The following ARHGAP23 variants were observed in gnomAD, a reference collection of about 807,000 sequenced individuals.
ARHGAP23 encodes the protein Rho GTPase activating protein 23.
In ARHGAP23, 34 loss-of-function variants were observed where a neutral mutation model predicts 136.3. That is an observed-to-expected ratio of 0.25 (90% CI 0.19 to 0.33). ARHGAP23 has a LOEUF of 0.33. ARHGAP23 is among the 10% of genes least tolerant of loss of function. The pLI is 1.00. For synonymous variants in ARHGAP23, 832 were observed against 920.5 expected (o/e 0.90, Z 1.74); for missense variants, 1,808 against 2,139.0 (o/e 0.85, Z 3.05).
upstream of ARHGAP23, among the ~76,000 whole-genome samples, chr17:38,426,550 C>CAAAAAAAAAAGAAAAAA (rs2038572352): frequency 2.0e-5 from 1 of 51,230 alleles, no homozygotes; most frequent in Non-Finnish European, 3.6e-5. Context: ...AACTCCATCT[C>CAAAAAAAAAAGAAAAAA]AAAAAAAAAA....
At chr17:38,439,034 G>A (rs2038863672) in intron 1 of ARHGAP23, among the ~76,000 whole-genome samples, 1 of 151,726 alleles carries the variant, frequency 6.6e-6, no homozygotes, top group African/African-American at 2.4e-5. Context: ...AAATTAGCTG[G>A]GTGTAGTGGC....
intron 1 of ARHGAP23, chr17:38,451,530 A>G (rs765050974): frequency 6.6e-6 from 1 of 152,310 alleles, no homozygotes; most frequent in Non-Finnish European, 1.5e-5. Flanking sequence ...CAGAGGCTCC[A>G]TGGGGGATGA....
intron 11 of ARHGAP23, among the ~76,000 whole-genome samples, chr17:38,476,320 G>GT (rs891568450): frequency 6.6e-6 from 1 of 152,210 alleles, no homozygotes; most frequent in African/African-American, 2.4e-5. Flanking sequence ...GAGACGGGAT[G>GT]TTTTGGAGGC....
At position 38,471,926 on chromosome 17, in the gene ARHGAP23, G is replaced by A; in HGVS notation, c.2038G>A (p.Asp680Asn). The A allele has an allele frequency of 6.5e-7, 1 of 1,549,608 alleles. No homozygotes were observed. Among genetic ancestry groups the A allele is most frequent in the Non-Finnish European group, 8.7e-7 (1 of 1,146,812 alleles). ...DAPSKRHSTSDLSDATFSDIR... is the reference protein window; with the variant it reads ...DAPSKRHSTSNLSDATFSDIR... Reference sequence around the variant, plus strand: ...TCCTTCTAAGCGACACTCAACCTCTGACCTCTCAGATGCGACCTTCAGCGA... The same window carrying A: ...TCCTTCTAAGCGACACTCAACCTCTAACCTCTCAGATGCGACCTTCAGCGA... Residue 680 changes from aspartate (D) to asparagine (N), a missense_variant, in exon 11 of 24, where the codon GAC becomes AAC. Around this residue, in one of 7 missense-constraint regions of ARHGAP23, gnomAD observed 139 missense variants for 264.3 expected, o/e 0.53. Transcript: ENST00000622683.
intron 14 of ARHGAP23, among the ~76,000 whole-genome samples, chr17:38,481,652 G>A (rs912914697): frequency 7.9e-5 from 12 of 152,196 alleles, no homozygotes; most frequent in Middle Eastern, 6.8e-3. Flanking sequence ...CCAGCCACTC[G>A]GGAGGCTGGG....
intron 1 of ARHGAP23, chr17:38,451,923 C>A (rs2039180558): frequency 6.5e-6 from 1 of 152,762 alleles, no homozygotes; most frequent in East Asian, 1.9e-4. Context: ...CCTAAGCTCT[C>A]CTGACTCAGC....
At position 38,510,482 on chromosome 17, in the gene ARHGAP23, A is replaced by G. The variant is rs891335480; in HGVS notation, c.3986A>G (p.Asp1329Gly). 2.5e-6 allele frequency: 3 copies of G among 1,185,320 alleles called. No individual in the cohort carries two copies. Among genetic ancestry groups the G allele is most frequent in the Admixed American group, 4.6e-5 (1 of 21,782 alleles). 73.4% of individuals were successfully genotyped at this position (1,185,320 alleles called of 1,614,324 possible). ...CGCCGCCTGGCCCGGGGCCGCCCAG[A>G]CGGCGAGGGCGCGGGCCGGGGCGGT... is the stretch of plus-strand genomic sequence containing the variant. The part of the protein sequence containing the change: ...ARRRLARGRP[D>G]GEGAGRGGPR... The change falls in exon 24 of 24, where the codon GAC (aspartate) becomes GGC (glycine). Residue 1329 changes from aspartate (D) to glycine (G), a missense_variant. By Grantham distance (94) the Asp-to-Gly change is moderately conservative (BLOSUM62 -1). Around this residue, in one of 7 missense-constraint regions of ARHGAP23, gnomAD observed 506 missense variants for 455.8 expected, o/e 1.11. Coordinates refer to ENST00000622683, the MANE Select transcript of ARHGAP23 (RefSeq NM_001199417.2). This position sits in a 1 kb window ranked among gnomAD's most constrained non-coding sequence, Gnocchi z 4.6.
At chr17:38,461,548 C>A (rs1163138217) in intron 3 of ARHGAP23, among the ~76,000 whole-genome samples, 1 of 152,242 alleles carries the variant, frequency 6.6e-6, no homozygotes, top group Admixed American at 6.5e-5. Context: ...GACACTCCTG[C>A]ATCCCCATCC....
Position 38,469,868 on chromosome 17 carries a change from C to T in ARHGAP23, c.1938C>T (p.Pro646=), listed in dbSNP as rs188932530. 5.2e-6 allele frequency: 8 copies of T among 1,551,736 alleles called. No homozygotes were observed. Among genetic ancestry groups the T allele is most frequent in the South Asian group, 1.2e-5 (1 of 84,066 alleles). ...RVLRRLPNRI[P]SLRMLRSFFT... ...CCAGGCGCCTGCCAAACCGCATACC[C>T]AGCCTGCGGATGCTCCGGAGCTTCT... Residue 646 remains proline, a synonymous_variant, in exon 10 of 24, where the codon CCC becomes CCT. Transcript: ENST00000622683.
chr17:38,429,011 C>T (rs1475680047), intron 1 of ARHGAP23, among the ~76,000 whole-genome samples: 1 of 152,186 alleles, frequency 6.6e-6, no homozygotes, highest in Non-Finnish European at 1.5e-5. Flanking sequence ...ACGTCCTCCA[C>T]TAAGGCGTCC....
chr17:38,509,887 G>T, intron 23 of ARHGAP23, 57 bp from the exon 24 acceptor site: 1 of 1,207,726 alleles, frequency 8.3e-7, no homozygotes. Context: ...GGTAGAGCGG[G>T]GTCGGCAGGG....
intron 23 of ARHGAP23, among the ~76,000 whole-genome samples, chr17:38,502,802 T>C (rs1353008280): frequency 2.0e-5 from 3 of 152,124 alleles, no homozygotes; most frequent in African/African-American, 7.2e-5. Flanking sequence ...CCCAACACAT[T>C]TGGAGGCCGA....
Position 38,507,790 on chromosome 17 carries a change from T to G in ARHGAP23, c.3448-2154T>G, listed in dbSNP as rs954432478. On this transcript the variant is annotated intron_variant, in intron 23 of 23. Coordinates refer to ENST00000622683, the MANE Select transcript of ARHGAP23 (RefSeq NM_001199417.2). ...AACCATGGCCCAGGAGCCACATGCCTGTGACTCCTGAGTCCCTGACATGCT... is the reference window on the plus strand; with the variant it reads ...AACCATGGCCCAGGAGCCACATGCCGGTGACTCCTGAGTCCCTGACATGCT... Among the ~76,000 whole-genome samples, 186 of 152,226 alleles carry G rather than the reference T, an allele frequency of 1.2e-3. 2 individuals carry two copies. The highest frequency in any genetic ancestry group is 4.3e-3 in the African/African-American group (177 of 41,462).
chr17:38,481,911 G>A, intron 14 of ARHGAP23, 111 bp from the exon 15 acceptor site: 1 of 1,160,992 alleles, frequency 8.6e-7, no homozygotes, highest in East Asian at 3.0e-5. Context: ...TGGGCATCTG[G>A]TTTCTTCTCT....
intron 1 of ARHGAP23, among the ~76,000 whole-genome samples, chr17:38,440,589 C>T (rs541850598): frequency 8.5e-5 from 13 of 152,334 alleles, no homozygotes; most frequent in African/African-American, 3.1e-4. Context: ...GCCTCTGACT[C>T]GTCTTCCCTT....
chr17:38,428,444 C>T (rs1386907065), upstream of ARHGAP23: 20 of 1,329,860 alleles, frequency 1.5e-5, no homozygotes, highest in Admixed American at 8.7e-5. Context: ...CCTGCCGGCG[C>T]CCCCAGCCGT....
upstream of ARHGAP23, among the ~76,000 whole-genome samples, chr17:38,425,422 C>G (rs114700829): frequency 5.9e-3 from 897 of 152,322 alleles, 11 homozygotes; most frequent in African/African-American, 0.021. Context: ...GAATGTGCTC[C>G]TGTGCTGGGA....
At chr17:38,479,560 G>A in intron 13 of ARHGAP23, 63 bp downstream of exon 13, 1 of 1,508,734 alleles carries the variant, frequency 6.6e-7, no homozygotes, top group Non-Finnish European at 9.0e-7. Context: ...GAAGGCAAAG[G>A]ATGTCTTCCT....
chr17:38,486,516 G>A (rs2040163847), intron 17 of ARHGAP23, among the ~76,000 whole-genome samples: 1 of 149,706 alleles, frequency 6.7e-6, no homozygotes, highest in African/African-American at 2.5e-5. Flanking sequence ...TGGGATTACA[G>A]GCATGAGCCA....
Sources: allele counts gnomAD v4.1 joint callset (sites outside exome capture counted in the v4.1 genomes callset), GRCh38; gene constraint gnomAD v4.1.1; regional missense constraint gnomAD v4.1.1; non-coding constraint Gnocchi (gnomAD v3.1); transcripts MANE v1.5; gene names NCBI Gene and HGNC (gene_info 2026-07-23, HGNC 2026-07-21).